The following VIT variants were observed in gnomAD, a reference collection of about 807,000 sequenced individuals.
VIT encodes the protein vitrin.
Under a neutral mutation model 78.0 loss-of-function variants are expected in VIT, and 99 were observed. The ratio of observed to expected loss-of-function variants is 1.27; its 90% CI spans 1.08 to 1.50. VIT has a LOEUF of 1.50. Among genes scored for constraint, VIT ranks in the 40% most tolerant of loss-of-function variants. The pLI is 0.00. For synonymous variants in VIT, 374 were observed against 334.3 expected (o/e 1.12, Z -1.29); for missense variants, 1,126 against 875.3 (o/e 1.29, Z -3.61).
intron 2 of VIT, among the ~76,000 whole-genome samples, chr2:36,721,210 A>G (rs1666487445): frequency 6.6e-6 from 1 of 152,210 alleles, no homozygotes; most frequent in Non-Finnish European, 1.5e-5. Context: ...GCTTGATTTA[A>G]TCATTTCACA....
Position 36,814,490 on chromosome 2 carries a change from A to G in VIT, c.*129A>G, listed in dbSNP as rs1417003412. On this transcript the variant is annotated 3_prime_UTR_variant, in exon 16 of 16. Transcript: ENST00000379242. ...GGCATGGAGAAACAAATGTCTTGTTATTATTCTTTGCCATCATGCTTTTTC... is the reference window on the plus strand; with the variant it reads ...GGCATGGAGAAACAAATGTCTTGTTGTTATTCTTTGCCATCATGCTTTTTC... 29 of 1,147,904 alleles carry G rather than the reference A, an allele frequency of 2.5e-5. 2 individuals carry two copies. The South Asian group carries it at 5.0e-4, about 20-fold the overall frequency. The allele number at this position is 1,147,904 out of a possible 1,614,324, so 71.1% of individuals were successfully genotyped here.
intron 1 of VIT, among the ~76,000 whole-genome samples, chr2:36,704,828 G>T (rs2148416775): frequency 6.6e-6 from 1 of 152,232 alleles, no homozygotes; most frequent in South Asian, 2.1e-4. Flanking sequence ...GGAGGGTGTG[G>T]ATCTTGCAGA....
At position 36,728,609 on chromosome 2, in the gene VIT, C is replaced by T. The variant is rs1165833112; in HGVS notation, c.53-817C>T. ...CGGGCGGATCACGAGGTCAGGAGAT[C>T]GAGACCATCCCGGCTAAAACGGTGA... On this transcript the variant is annotated intron_variant, in intron 2 of 15. Transcript: ENST00000379242. 9.8e-4 allele frequency among the ~76,000 whole-genome samples: 31 copies of T among 31,474 alleles called. 8 individuals are homozygous for T. Among genetic ancestry groups the T allele is most frequent in the Middle Eastern group, 0.018 (1 of 56 alleles). 20.6% of individuals were successfully genotyped at this position (31,474 alleles called of 152,430 possible).
At chr2:36,775,381 A>C (rs750499624) in intron 9 of VIT, among the ~76,000 whole-genome samples, 1 of 152,200 alleles carries the variant, frequency 6.6e-6, no homozygotes, top group African/African-American at 2.4e-5. Flanking sequence ...ATCCTCAGAC[A>C]GTCCTCCAGG....
At chr2:36,755,284 C>A (rs903002194) in intron 5 of VIT, among the ~76,000 whole-genome samples, 1 of 152,232 alleles carries the variant, frequency 6.6e-6, no homozygotes, top group Non-Finnish European at 1.5e-5. Context: ...TTTAATTACA[C>A]TGCAGTTATC....
chr2:36,776,050 C>T (rs183481583), intron 9 of VIT, among the ~76,000 whole-genome samples: 3 of 152,344 alleles, frequency 2.0e-5, no homozygotes, highest in Admixed American at 2.0e-4. Flanking sequence ...GGTCTAACTT[C>T]TCACCTGAAA....
intron 9 of VIT, among the ~76,000 whole-genome samples, chr2:36,776,883 A>T (rs558051588): frequency 6.6e-6 from 1 of 151,814 alleles, no homozygotes; most frequent in East Asian, 1.9e-4. Context: ...AGGTCAGGAG[A>T]TCGAGACCAT....
intron 12 of VIT, among the ~76,000 whole-genome samples, chr2:36,789,409 C>T (rs1306412483): frequency 6.6e-6 from 1 of 152,194 alleles, no homozygotes; most frequent in African/African-American, 2.4e-5. Context: ...CAGATAACTG[C>T]CTTTCCCTTC....
In VIT at chr2:36,742,611, T is replaced by C. The variant is rs1211552336; in HGVS notation, c.119-489T>C. 1.3e-5 allele frequency among the ~76,000 whole-genome samples: 2 copies of C among 152,114 alleles called. 1 individual carries two copies. Reference sequence around the variant, plus strand: ...GTCCATCCCTACCAATCTACCATCCTCCCACCAGGCCCCATAATGGAGTCC... The same window carrying C: ...GTCCATCCCTACCAATCTACCATCCCCCCACCAGGCCCCATAATGGAGTCC... On this transcript the variant is annotated intron_variant, in intron 3 of 15. Transcript: ENST00000379242.
chr2:36,706,053 G>A (rs1315057952), intron 1 of VIT, among the ~76,000 whole-genome samples: 1 of 152,130 alleles, frequency 6.6e-6, no homozygotes, highest in Non-Finnish European at 1.5e-5. Context: ...AATATATGAG[G>A]AAACTCTACA....
intron 13 of VIT, 84 bp downstream of exon 13, chr2:36,801,488 A>C (rs1001068403): frequency 3.3e-6 from 4 of 1,214,510 alleles, no homozygotes; most frequent in Non-Finnish European, 4.8e-6. Flanking sequence ...TCTATATAAA[A>C]GGAAAAAATA....
chr2:36,752,918 T>C (rs894586772), intron 4 of VIT, among the ~76,000 whole-genome samples: 1 of 152,250 alleles, frequency 6.6e-6, no homozygotes, highest in Non-Finnish European at 1.5e-5. Flanking sequence ...ATATGTTCAT[T>C]GCAGCACTAT....
intron 1 of VIT, among the ~76,000 whole-genome samples, chr2:36,705,514 C>T (rs1010363033): frequency 1.3e-5 from 2 of 152,124 alleles, no homozygotes; most frequent in African/African-American, 4.8e-5. Context: ...AAGGCTTTCC[C>T]TTTTTGGTTT....
chr2:36,806,245 G>C, intron 14 of VIT, among the ~76,000 whole-genome samples: 1 of 152,172 alleles, frequency 6.6e-6, no homozygotes, highest in East Asian at 1.9e-4. Flanking sequence ...CCAAAGAAAA[G>C]GCTCCAGCTT....
intron 1 of VIT, among the ~76,000 whole-genome samples, chr2:36,708,014 C>T (rs1017899276): frequency 2.6e-5 from 4 of 152,028 alleles, no homozygotes; most frequent in South Asian, 2.1e-4. Context: ...GGTGTTGTGG[C>T]AACGGGAAAT....
At chr2:36,739,678 T>G (rs1667714978) in intron 3 of VIT, among the ~76,000 whole-genome samples, 3 of 152,222 alleles carry the variant, frequency 2.0e-5, no homozygotes, top group Admixed American at 6.5e-5. Context: ...CTAATGTGAT[T>G]TCTGATACGA....
chr2:36,737,212 C>T (rs1026488703), intron 3 of VIT, among the ~76,000 whole-genome samples: 1 of 152,010 alleles, frequency 6.6e-6, no homozygotes, highest in Non-Finnish European at 1.5e-5. Flanking sequence ...TCTAGGTGGA[C>T]TAAGCCCACA....
At chr2:36,729,079 A>G (rs1667036542) in intron 2 of VIT, among the ~76,000 whole-genome samples, 1 of 152,202 alleles carries the variant, frequency 6.6e-6, no homozygotes, top group East Asian at 1.9e-4. Flanking sequence ...ATTTCGATAC[A>G]TAAATATTTA....
chr2:36,807,360 G>A (rs10180537), intron 14 of VIT, among the ~76,000 whole-genome samples: 105,701 of 151,668 alleles, frequency 0.7, 37,312 homozygotes, highest in East Asian at 0.82. Context: ...AGTCCAGCTA[G>A]TCTCCCATCC....
Sources: gnomAD v4.1 joint callset for allele counts (sites outside exome capture counted in the v4.1 genomes callset) on GRCh38, gnomAD v4.1.1 for gene constraint, MANE v1.5 for transcripts, NCBI Gene and HGNC (gene_info 2026-07-23, HGNC 2026-07-21) for gene names.